Variants in CPQ observed in about 807,000 individuals in gnomAD.
CPQ encodes carboxypeptidase Q, also known as Ser-Met dipeptidase.
A neutral mutation model predicts 45.7 loss-of-function variants in CPQ; 37 were observed. That is an observed-to-expected ratio of 0.81 (90% confidence interval 0.62 to 1.07). The LOEUF is 1.07. Ranked by LOEUF, CPQ falls within the 50% of genes least tolerant of loss-of-function variation. CPQ has a pLI of 0.00. For missense variants in CPQ, 537 were observed against 572.9 expected, an observed-to-expected ratio of 0.94 and a Z score of 0.64; for synonymous variants, 186 against 205.8, an observed-to-expected ratio of 0.90 and a Z score of 0.82.
chr8:96,995,669 T>TTA (rs1809167721), intron 5 of CPQ, among the ~76,000 whole-genome samples: 1 of 146,558 alleles, frequency 6.8e-6, no homozygotes. Context: ...TTTTTTTTTT[T>TTA]AAAAAAAAAA....
chr8:96,669,129 A>T (rs1410840230), intron 1 of CPQ, among the ~76,000 whole-genome samples: 3 of 152,192 alleles, frequency 2.0e-5, no homozygotes, highest in Non-Finnish European at 4.4e-5. Flanking sequence ...TTTCCTTCCC[A>T]TCAACCAGTA....
intron 5 of CPQ, among the ~76,000 whole-genome samples, chr8:97,011,681 G>A (rs1809486825): frequency 6.6e-6 from 1 of 152,176 alleles, no homozygotes. Context: ...TGTGAAACAG[G>A]ATGACAATAT....
At chr8:96,684,070 AATT>A (rs1809190467) in intron 1 of CPQ, among the ~76,000 whole-genome samples, 1 of 152,034 alleles carries the variant, frequency 6.6e-6, no homozygotes, top group Admixed American at 6.6e-5. Flanking sequence ...CTTACTGGAT[AATT>A]ATTGTGTTTC....
At chr8:96,964,029 T>C (rs1434231759) in intron 4 of CPQ, among the ~76,000 whole-genome samples, 1 of 152,134 alleles carries the variant, frequency 6.6e-6, no homozygotes, top group African/African-American at 2.4e-5. Context: ...TGGAGTGTCC[T>C]ATTGATAAAT....
At chr8:96,743,237 C>T (rs537895323) in intron 1 of CPQ, among the ~76,000 whole-genome samples, 3,209 of 152,156 alleles carry the variant, frequency 0.021, 124 homozygotes, top group African/African-American at 0.073. Context: ...CATCTTCCAT[C>T]GTTGATACCC....
At position 96,667,351 on chromosome 8, in the gene CPQ, C is replaced by CTT. The variant is rs376559950; in HGVS notation, c.-35+21965_-35+21966dup. Reference sequence around the variant, plus strand: ...TTCTAATTTTCAGGCTTATCTTTTTCTTTTTTTTTTTTTTTTTGAGAAAGT... The same window carrying CTT: ...TTCTAATTTTCAGGCTTATCTTTTTCTTTTTTTTTTTTTTTTTTTGAGAAAGT... On this transcript the variant is annotated intron_variant, in intron 1 of 7. Transcript: ENST00000220763. Among the ~76,000 whole-genome samples the CTT allele has an allele frequency of 1.8e-3, 238 of 134,988 alleles. 3 individuals are homozygous for CTT. Among genetic ancestry groups the CTT allele is most frequent in the African/African-American group, 5.7e-3 (209 of 36,628 alleles). The allele number at this position is 134,988 out of a possible 152,430, so 88.6% of individuals were successfully genotyped here.
At chr8:96,846,993 A>C (rs1048267583) in intron 3 of CPQ, among the ~76,000 whole-genome samples, 2 of 152,224 alleles carry the variant, frequency 1.3e-5, no homozygotes, top group Admixed American at 1.3e-4. Context: ...GTTGTTCCTC[A>C]TTATTAGATT....
chr8:96,719,251 T>C (rs1023048911), intron 1 of CPQ, among the ~76,000 whole-genome samples: 2 of 152,178 alleles, frequency 1.3e-5, no homozygotes, highest in Non-Finnish European at 2.9e-5. Context: ...AGCTAAGGCT[T>C]GGTGAGAAAT....
chr8:97,032,441 T>C (rs748627377), intron 6 of CPQ, among the ~76,000 whole-genome samples: 1 of 152,216 alleles, frequency 6.6e-6, no homozygotes, highest in Non-Finnish European at 1.5e-5. Flanking sequence ...ACTAGTCATG[T>C]AGTCCAACTG....
At chr8:96,902,784 C>T (rs1206723300) in intron 4 of CPQ, among the ~76,000 whole-genome samples, 1 of 152,172 alleles carries the variant, frequency 6.6e-6, no homozygotes, top group Admixed American at 6.5e-5. Context: ...CCAGATGATA[C>T]ACCCTGGACA....
At chr8:97,000,420 G>A (rs148799539) in intron 5 of CPQ, among the ~76,000 whole-genome samples, 104 of 152,114 alleles carry the variant, frequency 6.8e-4, no homozygotes, top group Middle Eastern at 3.4e-3. Flanking sequence ...TTTCATATAC[G>A]GTATAAGGAA....
intron 1 of CPQ, among the ~76,000 whole-genome samples, chr8:96,731,501 A>G (rs1484997843): frequency 1.3e-5 from 2 of 152,078 alleles, no homozygotes; most frequent in Non-Finnish European, 2.9e-5. Flanking sequence ...AAAATTCCTG[A>G]TTGACTTGCA....
intron 1 of CPQ, among the ~76,000 whole-genome samples, chr8:96,723,664 C>T (rs944260695): frequency 5.3e-5 from 8 of 152,098 alleles, no homozygotes; most frequent in Admixed American, 2.6e-4. Context: ...TAATTTCGAG[C>T]TGTAGAACCA....
chr8:96,803,212 A>G (rs1811030767), intron 2 of CPQ, among the ~76,000 whole-genome samples: 1 of 152,230 alleles, frequency 6.6e-6, no homozygotes, highest in African/African-American at 2.4e-5. Context: ...TCAAATGATC[A>G]GGCAGAGTTA....
At chr8:96,694,283 T>C (rs1185594104) in intron 1 of CPQ, among the ~76,000 whole-genome samples, 1 of 151,898 alleles carries the variant, frequency 6.6e-6, no homozygotes, top group Non-Finnish European at 1.5e-5. Context: ...TAATAACGTT[T>C]AATGTAAATG....
chr8:96,796,227 TA>T (rs1810926970), intron 2 of CPQ, among the ~76,000 whole-genome samples: 1 of 152,178 alleles, frequency 6.6e-6, no homozygotes, highest in South Asian at 2.1e-4. Context: ...CCTATTATTT[TA>T]CTTTGCATAC....
Position 96,965,367 on chromosome 8 carries a change from CTTTTCTTTT to C in CPQ, c.850-563_850-555del, listed in dbSNP as rs1309882678. On this transcript the variant is annotated intron_variant, in intron 4 of 7. Transcript: ENST00000220763. ...ATATCTGTCAGTAATAAGCCAATTT[CTTTTCTTTT>C]TTTTTTTTTTTTTTTGAGATGGAGT... is the stretch of plus-strand genomic sequence containing the variant. Among the ~76,000 whole-genome samples, 25 of 117,594 alleles carry C rather than the reference CTTTTCTTTT, an allele frequency of 2.1e-4. No homozygotes were observed. In the Admixed American group the frequency reaches 2.5e-3, roughly 12 times the overall value. The allele number at this position is 117,594 out of a possible 152,430, so 77.1% of individuals were successfully genotyped here. A position where few individuals can be genotyped will look rare whatever the true frequency, so the allele number is the denominator to read the frequency against.
chr8:96,991,911 A>G (rs1376301810), intron 5 of CPQ, among the ~76,000 whole-genome samples: 1 of 152,174 alleles, frequency 6.6e-6, no homozygotes, highest in African/African-American at 2.4e-5. Flanking sequence ...CAAAAGACCC[A>G]TAGTGGATCA....
intron 4 of CPQ, among the ~76,000 whole-genome samples, chr8:96,892,449 A>G (rs888458900): frequency 6.6e-6 from 1 of 152,242 alleles, no homozygotes; most frequent in African/African-American, 2.4e-5. Flanking sequence ...TAAGCAAAGT[A>G]ATTATTAAAT....
Sources: allele counts gnomAD v4.1 joint callset (sites outside exome capture counted in the v4.1 genomes callset), GRCh38; gene constraint gnomAD v4.1.1; transcripts MANE v1.5; gene names NCBI Gene and HGNC (gene_info 2026-07-23, HGNC 2026-07-21).